Variants in NKAIN2 observed in about 807,000 individuals in gnomAD.
NKAIN2 encodes the protein sodium/potassium-transporting ATPase subunit beta-1-interacting protein 2.
NKAIN2 carries 14 observed loss-of-function variants against 32.6 expected under a neutral mutation model. The observed-to-expected ratio is 0.43, with a 90% CI of 0.28 to 0.67. The LOEUF (loss-of-function observed/expected upper bound fraction) is 0.67. NKAIN2 is among the 30% of genes least tolerant of loss of function. The pLI, the probability that NKAIN2 is intolerant of heterozygous loss-of-function variation, is 0.17. For synonymous variants in NKAIN2, 80 were observed against 87.2 expected (o/e 0.92, Z 0.46); for missense variants, 198 against 258.3 (o/e 0.77, Z 1.60).
In NKAIN2 at chr6:123,845,775, A is replaced by T. The variant is rs77464406; in HGVS notation, c.54+41521A>T. ...CCCACGGATACTGAGTAATGACTGT[A>T]TACCTTATATTTCTGATAGTTACAG... On this transcript the variant is annotated intron_variant, in intron 1 of 6. Coordinates refer to ENST00000368417, the MANE Select transcript of NKAIN2 (RefSeq NM_001040214.3). Among the ~76,000 whole-genome samples the T allele has an allele frequency of 6.5e-3, 983 of 152,314 alleles. 6 individuals are homozygous for T. The highest frequency in any genetic ancestry group is 0.029 in the South Asian group (140 of 4,830).
intron 3 of NKAIN2, among the ~76,000 whole-genome samples, chr6:124,516,076 G>A (rs1242503680): frequency 6.6e-6 from 1 of 152,076 alleles, no homozygotes; most frequent in African/African-American, 2.4e-5. Context: ...GTACATCACG[G>A]AGCAAAACAT....
intron 1 of NKAIN2, among the ~76,000 whole-genome samples, chr6:123,867,339 AT>A (rs1772588010): frequency 6.6e-6 from 1 of 152,190 alleles, no homozygotes; most frequent in Admixed American, 6.5e-5. Flanking sequence ...ATTTTTGGCT[AT>A]GTTTATATTC....
chr6:124,016,284 G>C, intron 1 of NKAIN2, among the ~76,000 whole-genome samples: 1 of 152,102 alleles, frequency 6.6e-6, no homozygotes, highest in East Asian at 1.9e-4. Context: ...ATTTGGTAAA[G>C]CCTCAAGCAG....
rs1484332943 is a variant in NKAIN2, at chr6:124,346,973, C to A, written c.193-8294C>A. Among the ~76,000 whole-genome samples, 15 of 152,232 alleles carry A rather than the reference C, an allele frequency of 9.9e-5. No homozygotes were observed. The East Asian group carries it at 2.7e-3, about 27-fold the overall frequency. On this transcript the variant is annotated intron_variant, in intron 2 of 6. Transcript: ENST00000368417. ...GGCATGATTTTGCAGCAGCTGGTAC[C>A]GGTTGTGCCTTTCCATGTTTAGTGC...
chr6:124,523,216 A>G (rs1381414037), intron 3 of NKAIN2, among the ~76,000 whole-genome samples: 2 of 151,536 alleles, frequency 1.3e-5, no homozygotes, highest in African/African-American at 4.8e-5. Context: ...GAATCCTCTT[A>G]TTTGTTAAGA....
chr6:124,094,119 C>T (rs1045517009), intron 1 of NKAIN2, among the ~76,000 whole-genome samples: 1 of 152,122 alleles, frequency 6.6e-6, no homozygotes, highest in African/African-American at 2.4e-5. Context: ...ATGTAACACC[C>T]ATTAACAATG....
At chr6:123,866,606 A>AT (rs1409368742) in intron 1 of NKAIN2, among the ~76,000 whole-genome samples, 5 of 151,760 alleles carry the variant, frequency 3.3e-5, no homozygotes, top group African/African-American at 1.2e-4. Flanking sequence ...AATTTTTTGT[A>AT]TTTTTAGTAG....
At chr6:124,681,709 G>A (rs905606091) in intron 4 of NKAIN2, among the ~76,000 whole-genome samples, 2 of 151,976 alleles carry the variant, frequency 1.3e-5, no homozygotes, top group Non-Finnish European at 2.9e-5. Flanking sequence ...TGAGACATAT[G>A]GGGATAGAGA....
At chr6:123,932,697 G>A (rs563039123) in intron 1 of NKAIN2, among the ~76,000 whole-genome samples, 2 of 151,594 alleles carry the variant, frequency 1.3e-5, no homozygotes, top group Non-Finnish European at 2.9e-5. Context: ...GATTACAGGC[G>A]TGAGCCACCG....
intron 1 of NKAIN2, among the ~76,000 whole-genome samples, chr6:123,832,522 T>C (rs1774430549): frequency 6.6e-6 from 1 of 152,226 alleles, no homozygotes; most frequent in South Asian, 2.1e-4. Flanking sequence ...ATGGTAAGAA[T>C]ACATTTAATT....
At chr6:124,359,394 T>C (rs562180344) in intron 3 of NKAIN2, among the ~76,000 whole-genome samples, 71 of 152,276 alleles carry the variant, frequency 4.7e-4, no homozygotes, top group African/African-American at 1.6e-3. Context: ...TTGATTCTTC[T>C]TACGCATGAG....
intron 3 of NKAIN2, among the ~76,000 whole-genome samples, chr6:124,507,855 A>T (rs1193663193): frequency 6.6e-6 from 1 of 152,188 alleles, no homozygotes. Context: ...AAGAAATAGA[A>T]TTCAAGGGCT....
intron 3 of NKAIN2, among the ~76,000 whole-genome samples, chr6:124,362,077 A>T (rs372414814): frequency 6.6e-6 from 1 of 152,024 alleles, no homozygotes; most frequent in African/African-American, 2.4e-5. Context: ...AAAATATATG[A>T]GCAATTACTA....
intron 4 of NKAIN2, among the ~76,000 whole-genome samples, chr6:124,762,011 G>GT (rs1778290755): frequency 6.6e-6 from 1 of 152,016 alleles, no homozygotes; most frequent in Admixed American, 6.6e-5. Context: ...CCTTTCTGTT[G>GT]TTATATTTAG....
At chr6:124,019,032 T>C (rs9491043) in intron 1 of NKAIN2, among the ~76,000 whole-genome samples, 8,466 of 152,216 alleles carry the variant, frequency 0.056, 803 homozygotes, top group African/African-American at 0.19. Flanking sequence ...AGCAAAGGCA[T>C]GTCTTCCATG....
intron 1 of NKAIN2, among the ~76,000 whole-genome samples, chr6:123,851,870 C>G (rs1775361221): frequency 6.6e-6 from 1 of 152,100 alleles, no homozygotes; most frequent in African/African-American, 2.4e-5. Flanking sequence ...ATATTTTATC[C>G]CATTCCATAG....
intron 1 of NKAIN2, among the ~76,000 whole-genome samples, chr6:124,210,724 G>T (rs1209934189): frequency 9.4e-5 from 14 of 149,512 alleles, no homozygotes; most frequent in Non-Finnish European, 1.9e-4. Context: ...TTGTTTGTTT[G>T]TTTTTTGTTT....
intron 4 of NKAIN2, among the ~76,000 whole-genome samples, chr6:124,765,343 T>C (rs930670795): frequency 6.6e-6 from 1 of 152,208 alleles, no homozygotes; most frequent in Admixed American, 6.5e-5. Flanking sequence ...AAGCCTCCCT[T>C]AGTGATTTCA....
intron 3 of NKAIN2, among the ~76,000 whole-genome samples, chr6:124,487,604 A>G (rs1227077205): frequency 2.0e-5 from 3 of 152,182 alleles, no homozygotes; most frequent in Non-Finnish European, 4.4e-5. Flanking sequence ...TGTAATTGTT[A>G]GTAACTTTTT....
Sources: allele counts gnomAD v4.1 joint callset (sites outside exome capture counted in the v4.1 genomes callset), GRCh38; gene constraint gnomAD v4.1.1; transcripts MANE v1.5; gene names NCBI Gene and HGNC (gene_info 2026-07-23, HGNC 2026-07-21).